DHDH: variants seen among roughly 807,000 people sequenced by gnomAD.
DHDH encodes trans-1,2-dihydrobenzene-1,2-diol dehydrogenase.
In DHDH, 29 loss-of-function variants were observed where a neutral mutation model predicts 33.2. The observed-to-expected ratio is 0.87, with a 90% CI of 0.65 to 1.19. DHDH has a LOEUF of 1.19. Among genes scored for constraint, DHDH ranks in the 50% most tolerant of loss-of-function variants. DHDH has a pLI of 0.00. For missense variants in DHDH, 431 were observed against 455.0 expected (o/e 0.95, Z 0.48); for synonymous variants, 201 against 187.9 (o/e 1.07, Z -0.57).
intron 1 of DHDH, among the ~76,000 whole-genome samples, chr19:48,934,029 A>G (rs888422870): frequency 6.6e-5 from 10 of 152,236 alleles, no homozygotes; most frequent in African/African-American, 1.9e-4. Flanking sequence ...TGAAGACATA[A>G]GAAACTCCAT....
intron 4 of DHDH, among the ~76,000 whole-genome samples, chr19:48,942,150 G>GCTCCC (rs1233591155): frequency 6.6e-6 from 1 of 152,042 alleles, no homozygotes; most frequent in Non-Finnish European, 1.5e-5. Flanking sequence ...TGGGACGACA[G>GCTCCC]GACTACACCA....
At chr19:48,934,090 G>A (rs531640233) in intron 1 of DHDH, among the ~76,000 whole-genome samples, 1 of 152,240 alleles carries the variant, frequency 6.6e-6, no homozygotes, top group Non-Finnish European at 1.5e-5. Context: ...CTATTAACCT[G>A]TAACTTTAGC....
chr19:48,943,374 C>T (rs1443758883), intron 5 of DHDH, among the ~76,000 whole-genome samples: 2 of 143,516 alleles, frequency 1.4e-5, no homozygotes, highest in Non-Finnish European at 3.0e-5. Flanking sequence ...CTTCCTGGGG[C>T]CTTGTTGCTA....
intron 3 of DHDH, among the ~76,000 whole-genome samples, chr19:48,938,837 C>CG (rs2122262030): frequency 1.3e-5 from 2 of 152,150 alleles, no homozygotes; most frequent in African/African-American, 4.8e-5. Context: ...TTAATAGAGA[C>CG]GGGGTTTCAC....
At chr19:48,939,767 T>C (rs1290354231) in intron 4 of DHDH, 66 bp downstream of exon 4, 11 of 1,510,174 alleles carry the variant, frequency 7.3e-6, no homozygotes, top group Non-Finnish European at 8.0e-6. Context: ...AGCACTGAAC[T>C]GAGGACAAGT....
At chr19:48,935,149 C>T (rs1263146568) in intron 2 of DHDH, 38 bp downstream of exon 2, 4 of 1,484,910 alleles carry the variant, frequency 2.7e-6, no homozygotes, top group Non-Finnish European at 3.6e-6. Flanking sequence ...GGCCGCCGCC[C>T]CTGGAGCGGT....
rs1404161373 is a variant in DHDH at position 48,939,519 on chromosome 19, A to G, written c.437A>G (p.Asp146Gly). Residue 146 changes from aspartate to glycine, a missense_variant, in exon 4 of 7, where the codon GAC (aspartate) becomes GGC (glycine). Transcript: ENST00000221403. ...GTTTTGGCCCAGGGAACTCTAGGAGACCTCCGGGTGGCTCGGGCAGAATTT... is the reference window on the plus strand; with the variant it reads ...GTTTTGGCCCAGGGAACTCTAGGAGGCCTCCGGGTGGCTCGGGCAGAATTT... ...RSVLAQGTLG[D>G]LRVARAEFGK... 3 of 1,613,490 alleles carry G rather than the reference A, an allele frequency of 1.9e-6. No individual in the cohort carries two copies. The highest frequency in any genetic ancestry group is 2.5e-6 in the Non-Finnish European group (3 of 1,179,920).
In DHDH at chr19:48,935,017, C is replaced by A; in HGVS notation, c.108C>A (p.Ala36=). Residue 36 remains alanine (A), a synonymous_variant, in exon 2 of 7, where the codon GCC becomes GCA. Coordinates refer to ENST00000221403, the MANE Select transcript of DHDH (RefSeq NM_014475.4). Reference sequence around the variant, plus strand: ...CCCTCCAGGTGGTGGCGGTGGCGGCCCGCGATCTGAGCCGTGCGAAGGAGT... The same window carrying A: ...CCCTCCAGGTGGTGGCGGTGGCGGCACGCGATCTGAGCCGTGCGAAGGAGT... The part of the protein sequence containing the change: ...RSEHQVVAVA[A]RDLSRAKEFA... 1 of 1,570,802 alleles carries A rather than the reference C, an allele frequency of 6.4e-7. No homozygotes were observed.
chr19:48,935,622 C>T (rs1174526517), intron 2 of DHDH, among the ~76,000 whole-genome samples: 1 of 151,552 alleles, frequency 6.6e-6, no homozygotes, highest in Non-Finnish European at 1.5e-5. Context: ...TGGAGACCAT[C>T]CTGGCTAATA....
At chr19:48,935,379 G>T (rs2037757189) in intron 2 of DHDH, among the ~76,000 whole-genome samples, 1 of 152,212 alleles carries the variant, frequency 6.6e-6, no homozygotes, top group African/African-American at 2.4e-5. Context: ...AAATTAGCCA[G>T]GTATGGTGGC....
At position 48,942,531 on chromosome 19, in the gene DHDH, G is replaced by A. The variant is rs766099038; in HGVS notation, c.711G>A (p.Thr237=). The A allele has an allele frequency of 1.3e-5, 21 of 1,613,604 alleles. No homozygotes were observed. In the African/African-American group the frequency reaches 1.7e-4, roughly 13 times the overall value. ...GCATCACCGTGCAGCTCTCCAACAC[G>A]GCCTCCGTGAGCGGCACCAAGGGCA... ...TCSITVQLSN[T]ASVSGTKGMV... Residue 237 remains threonine, a synonymous_variant, in exon 5 of 7, where the codon ACG becomes ACA. Transcript: ENST00000221403.
At chr19:48,944,736 AT>A (rs1162919070) in intron 6 of DHDH, 87 bp from the exon 7 acceptor site, 1 of 1,306,250 alleles carries the variant, frequency 7.7e-7, no homozygotes, top group African/African-American at 1.5e-5. Context: ...AACCATGTAT[AT>A]TGTGCCACAT....
intron 5 of DHDH, 54 bp downstream of exon 5, chr19:48,942,618 G>T (rs999849981): frequency 1.9e-6 from 3 of 1,580,738 alleles, no homozygotes; most frequent in Non-Finnish European, 2.6e-6. Context: ...ATAGGAGGGG[G>T]ACAAATGGCC....
chr19:48,934,099 GC>G (rs2122239863), intron 1 of DHDH, among the ~76,000 whole-genome samples: 1 of 152,312 alleles, frequency 6.6e-6, no homozygotes, highest in African/African-American at 2.4e-5. Flanking sequence ...TGTAACTTTA[GC>G]CCCAACCGTG....
chr19:48,941,979 G>GTA, intron 4 of DHDH, among the ~76,000 whole-genome samples: 1 of 140,814 alleles, frequency 7.1e-6, no homozygotes, highest in Middle Eastern at 3.5e-3. Flanking sequence ...AGCCAAGACT[G>GTA]TACTTCGTGT....
At position 48,939,326 on chromosome 19, in the gene DHDH, G is replaced by A. The variant is rs532381454; in HGVS notation, c.367-123G>A. ...AAGTCAAGAGGGTCAGGAGCAAGAG[G>A]GATACAACCTGGGGACTGATGGGCT... On this transcript the variant is annotated intron_variant, in intron 3 of 6. Coordinates refer to ENST00000221403, the MANE Select transcript of DHDH (RefSeq NM_014475.4). 1,965 of 1,141,500 alleles carry A rather than the reference G, an allele frequency of 1.7e-3. 6 individuals are homozygous for A. Among genetic ancestry groups the A allele is most frequent in the Non-Finnish European group, 2.3e-3 (1,811 of 800,978 alleles). The allele number at this position is 1,141,500 out of a possible 1,614,324, so 70.7% of individuals were successfully genotyped here.
At chr19:48,934,879 C>T in intron 1 of DHDH, 121 bp from the exon 2 acceptor site, 1 of 666,090 alleles carries the variant, frequency 1.5e-6, no homozygotes, top group African/African-American at 1.9e-5. Context: ...CAGCCCCCGT[C>T]ATCTCTTCCC....
rs551360305 is a variant in DHDH at position 48,937,244 on chromosome 19, C to A, written c.366+1049C>A. Among the ~76,000 whole-genome samples, 3 of 152,296 alleles carry A rather than the reference C, an allele frequency of 2.0e-5. No homozygotes were observed. In the East Asian group the frequency reaches 5.8e-4, roughly 29 times the overall value. On this transcript the variant is annotated intron_variant, in intron 3 of 6. Transcript: ENST00000221403. ...AGGCTCAGAGCCTGCGCAGAGCCTG[C>A]CCCCGGCTCCCCAGTGCCCTCAGGC...
chr19:48,936,986 G>A (rs144222106), intron 3 of DHDH, among the ~76,000 whole-genome samples: 2,977 of 151,914 alleles, frequency 0.02, 98 homozygotes, highest in African/African-American at 0.068. Context: ...GTTTCACCAT[G>A]TTGGCCAGGC....
Sources: gnomAD v4.1 joint callset for allele counts (sites outside exome capture counted in the v4.1 genomes callset) on GRCh38, gnomAD v4.1.1 for gene constraint, MANE v1.5 for transcripts, NCBI Gene and HGNC (gene_info 2026-07-23, HGNC 2026-07-21) for gene names.